Variants in PAH observed in about 807,000 individuals in gnomAD.
PAH encodes the protein phenylalanine-4-hydroxylase.
A neutral mutation model predicts 62.0 loss-of-function variants in PAH; 64 were observed. That is an observed-to-expected ratio of 1.03 (90% CI 0.84 to 1.27). The LOEUF is 1.27. PAH is among the 50% of genes most tolerant of loss of function. The probability of loss-of-function intolerance (pLI) is 0.00; values close to 1 mark genes in which losing one functional copy is unlikely to be tolerated. For missense variants in PAH, 579 were observed against 542.8 expected (o/e 1.07, Z -0.66); for synonymous variants, 195 against 196.2 (o/e 0.99, Z 0.05).
At chr12:102,843,857 G>A in intron 10 of PAH, 78 bp from the exon 11 acceptor site, 2 of 1,488,274 alleles carry the variant, frequency 1.3e-6, no homozygotes, top group South Asian at 1.1e-5. Flanking sequence ...TAGGCCATTT[G>A]TGCCCCTTCT....
At chr12:102,919,517 A>G (rs558492394), upstream of PAH, among the ~76,000 whole-genome samples, 1 of 152,236 alleles carries the variant, frequency 6.6e-6, no homozygotes, top group East Asian at 1.9e-4. Flanking sequence ...GCCCTGTTGT[A>G]CTATCAAATA....
chr12:102,857,352 G>A (rs1032036672), intron 5 of PAH, among the ~76,000 whole-genome samples: 4 of 152,232 alleles, frequency 2.6e-5, no homozygotes, highest in Non-Finnish European at 5.9e-5. Flanking sequence ...TCTGATCGGT[G>A]TACCTGAAAG....
chr12:102,844,267 G>A (rs1874728864), intron 10 of PAH, 69 bp downstream of exon 10: 1 of 1,105,446 alleles, frequency 9.0e-7, no homozygotes, highest in Admixed American at 1.8e-5. Context: ...CAACAATATT[G>A]AAAGCACAAT....
chr12:102,895,335 G>T (rs1877454829), intron 2 of PAH, among the ~76,000 whole-genome samples: 2 of 151,918 alleles, frequency 1.3e-5, no homozygotes, highest in Admixed American at 6.6e-5. Flanking sequence ...TTGAATAGGG[G>T]GTCAGACTTA....
At chr12:102,919,889 A>G (rs2136737778), upstream of PAH, among the ~76,000 whole-genome samples, 1 of 152,280 alleles carries the variant, frequency 6.6e-6, no homozygotes, top group Admixed American at 6.5e-5. Flanking sequence ...GCTATTGTGA[A>G]CAGTGCTGCA....
intron 1 of PAH, among the ~76,000 whole-genome samples, chr12:102,929,871 C>T (rs959354247): frequency 1.3e-5 from 2 of 152,032 alleles, no homozygotes; most frequent in African/African-American, 2.4e-5. Flanking sequence ...GGAGAGAATG[C>T]CATTCTCAGA....
intron 4 of PAH, among the ~76,000 whole-genome samples, chr12:102,872,698 T>G (rs1189633506): frequency 6.6e-6 from 1 of 152,250 alleles, no homozygotes; most frequent in African/African-American, 2.4e-5. Context: ...CCTGGTGTGG[T>G]GGCTCATGCC....
chr12:102,898,735 C>A (rs894984327), intron 2 of PAH, among the ~76,000 whole-genome samples: 3 of 152,138 alleles, frequency 2.0e-5, no homozygotes, highest in Non-Finnish European at 4.4e-5. Flanking sequence ...GAGAGCGAGG[C>A]CCATTTTTTT....
rs5030851 is a variant in PAH at position 102,852,815 on chromosome 12, G to A, written c.842C>T (p.Pro281Leu). ...HGSKPMYTPE[P>L]DICHELLGHV... ...CTGGTAGCTGGAGGACAGTACTCAC[G>A]GTTCGGGGGTATACATGGGCTTGGA... Residue 281 changes from proline to leucine, a missense_variant and splice_region_variant, in exon 7 of 13, where the codon CCT (proline) becomes CTT (leucine). Coordinates refer to ENST00000553106, the MANE Select transcript of PAH (RefSeq NM_000277.3). 201 of 1,613,880 alleles carry A rather than the reference G, an allele frequency of 1.2e-4. No homozygotes were observed. The highest frequency in any genetic ancestry group is 6.6e-4 in the Middle Eastern group (4 of 6,080).
intron 3 of PAH, among the ~76,000 whole-genome samples, chr12:102,886,649 G>A (rs1688676417): frequency 6.6e-6 from 1 of 152,080 alleles, no homozygotes; most frequent in South Asian, 2.1e-4. Context: ...CACTCCAGGA[G>A]CACTTATTTG....
At chr12:102,876,821 T>G (rs1239874139) in intron 4 of PAH, among the ~76,000 whole-genome samples, 4 of 151,434 alleles carry the variant, frequency 2.6e-5, no homozygotes, top group Admixed American at 6.6e-5. Flanking sequence ...CCCCCATGGC[T>G]GCAAGACACA....
At chr12:102,895,982 G>C (rs1341739831) in intron 2 of PAH, among the ~76,000 whole-genome samples, 2 of 151,568 alleles carry the variant, frequency 1.3e-5, no homozygotes, top group African/African-American at 4.9e-5. Context: ...AGCGGCTTGG[G>C]ATCCACCAGT....
rs1471209282 is a variant in PAH, at chr12:102,958,359, G to A, written c.-260C>T. 55 of 1,426,266 alleles carry A rather than the reference G, an allele frequency of 3.9e-5. No individual in the cohort carries two copies. Among genetic ancestry groups the A allele is most frequent in the Admixed American group, 6.0e-5 (2 of 33,164 alleles). The allele number at this position is 1,426,266 out of a possible 1,614,324, so 88.4% of individuals were successfully genotyped here. A position where few individuals can be genotyped will look rare whatever the true frequency, so the allele number is the denominator to read the frequency against. On this transcript the variant is annotated 5_prime_UTR_variant, in exon 1 of 5. Transcript: ENST00000551337. ...TTTCTTTGCCACGGCCGCAGCCGCG[G>A]CGGCCGCAGCCGCCGCAGCGGCAGC...
At chr12:102,903,116 C>T (rs1344515630) in intron 2 of PAH, among the ~76,000 whole-genome samples, 1 of 152,124 alleles carries the variant, frequency 6.6e-6, no homozygotes, top group African/African-American at 2.4e-5. Context: ...ATCCCAGCAC[C>T]CTGGGAGGCC....
At chr12:102,867,890 CATATATAGATGTATATATA>C (rs1736236673) in intron 4 of PAH, among the ~76,000 whole-genome samples, 1 of 138,644 alleles carries the variant, frequency 7.2e-6, no homozygotes, top group East Asian at 2.3e-4. Flanking sequence ...CATGTATATA[CATATATAGATGTATATATA>C]CATGTATATA....
At chr12:102,872,269 C>T (rs1048717051) in intron 4 of PAH, among the ~76,000 whole-genome samples, 3 of 152,084 alleles carry the variant, frequency 2.0e-5, no homozygotes, top group African/African-American at 7.2e-5. Flanking sequence ...ATCTTTGTGA[C>T]CTTATTCTGG....
Position 102,927,029 on chromosome 12 carries a change from A to G in PAH, c.-95-9804T>C, listed in dbSNP as rs560113977. On this transcript the variant is annotated intron_variant, in intron 1 of 3. Transcript: ENST00000546844. ...CTATTACTATGGTAGCAAAGTCACA[A>G]ATAGGACTGGATTGAAGTCTGATGG... Among the ~76,000 whole-genome samples the G allele has an allele frequency of 3.4e-5, 5 of 148,036 alleles. No individual in the cohort carries two copies. The East Asian group carries it at 9.7e-4, about 29-fold the overall frequency.
chr12:102,892,368 A>G (rs1168657296), intron 3 of PAH, among the ~76,000 whole-genome samples: 5 of 146,956 alleles, frequency 3.4e-5, no homozygotes, highest in Non-Finnish European at 7.4e-5. Context: ...TTTGAAAGAA[A>G]CTCGATTTTA....
At chr12:102,918,266 G>C (rs1878461011), upstream of PAH, among the ~76,000 whole-genome samples, 3 of 152,122 alleles carry the variant, frequency 2.0e-5, no homozygotes, top group Admixed American at 6.5e-5. Flanking sequence ...AAGTATAAAA[G>C]AATGCTGGAA....
Sources: gnomAD v4.1 joint callset for allele counts (sites outside exome capture counted in the v4.1 genomes callset) on GRCh38, gnomAD v4.1.1 for gene constraint, MANE v1.5 for transcripts, NCBI Gene and HGNC (gene_info 2026-07-23, HGNC 2026-07-21) for gene names.